TEKT5: variants seen among roughly 807,000 people sequenced by gnomAD.
The protein encoded by TEKT5 is tektin 5.
TEKT5 carries 52 observed loss-of-function variants against 48.7 expected under a neutral mutation model. The ratio of observed to expected loss-of-function variants is 1.07; its 90% CI spans 0.86 to 1.35. The LOEUF is 1.35. Among genes scored for constraint, TEKT5 ranks in the 40% most tolerant of loss-of-function variants. TEKT5 has a pLI of 0.00. For synonymous variants in TEKT5, 318 were observed against 267.6 expected (o/e 1.19, Z -1.84); for missense variants, 831 against 641.6 (o/e 1.30, Z -3.19).
intron 2 of TEKT5, 136 bp downstream of exon 2, chr16:10,689,806 C>T (rs1344518): frequency 0.43 from 332,895 of 780,080 alleles, 73,261 homozygotes; most frequent in East Asian, 0.61. Context: ...GACCTCCACC[C>T]ATGCTTCCTG....
intron 6 of TEKT5, among the ~76,000 whole-genome samples, chr16:10,634,905 G>A (rs1013195574): frequency 1.1e-4 from 17 of 152,134 alleles, no homozygotes; most frequent in African/African-American, 4.1e-4. Flanking sequence ...ATTGCAACCT[G>A]CGGAAGACCC....
chr16:10,660,661 CTGTGTGTGTGTGTGTG>C lies in TEKT5; in HGVS notation c.1086+15282_1086+15297del, dbSNP rs4028826. ...GAATGTTACCAGCAGGAGTGCAAGG[CTGTGTGTGTGTGTGTG>C]TGTGTGTGTGTGTGTGTGTGTGTGT... On this transcript the variant is annotated intron_variant, in intron 5 of 6. Transcript: ENST00000283025. 1.3e-3 allele frequency among the ~76,000 whole-genome samples: 185 copies of C among 144,220 alleles called. 1 individual carries two copies. The highest frequency in any genetic ancestry group is 1.6e-3 in the African/African-American group (61 of 37,556). 94.6% of individuals were successfully genotyped at this position (144,220 alleles called of 152,430 possible).
At chr16:10,638,301 G>C (rs58875956) in intron 5 of TEKT5, among the ~76,000 whole-genome samples, 4,389 of 152,262 alleles carry the variant, frequency 0.029, 217 homozygotes, top group African/African-American at 0.099. Context: ...GATGTCACCT[G>C]ACCGTGACTG....
chr16:10,629,869 C>A (rs969039378), intron 6 of TEKT5, among the ~76,000 whole-genome samples: 1 of 152,204 alleles, frequency 6.6e-6, no homozygotes, highest in Non-Finnish European at 1.5e-5. Flanking sequence ...GACTGGGCTG[C>A]CCCGTACTAC....
intron 4 of TEKT5, 116 bp from the exon 5 acceptor site, chr16:10,676,297 A>C: frequency 1.0e-6 from 1 of 1,001,148 alleles, no homozygotes; most frequent in Non-Finnish European, 1.5e-6. Flanking sequence ...TGTGCATTGT[A>C]GGGTGCTTGG....
intron 5 of TEKT5, among the ~76,000 whole-genome samples, chr16:10,638,407 G>A (rs1476740241): frequency 1.3e-5 from 2 of 152,198 alleles, no homozygotes; most frequent in African/African-American, 4.8e-5. Context: ...AAGGCCCTTT[G>A]AGGACAGGCT....
In TEKT5 at chr16:10,627,673, G is replaced by A. The variant is rs1440208448; in HGVS notation, c.1368C>T (p.Ile456=). The change falls in exon 7 of 7, where the codon ATC becomes ATT. Residue 456 remains isoleucine (I), a synonymous_variant. Coordinates refer to ENST00000283025, the MANE Select transcript of TEKT5 (RefSeq NM_144674.2). The stretch of plus-strand genomic sequence containing the variant: ...TGTCGATGCAGAGGGTGTTGGCCTT[G>A]ATGGCGAGCTCGTGCTCCAGCCGGC... ...TKCRLEHELA[I]KANTLCIDKE... is the part of the protein sequence containing the mutation. 6.2e-7 allele frequency: 1 copy of A among 1,614,200 alleles called. No homozygotes were observed. The highest frequency in any genetic ancestry group is 2.2e-5 in the East Asian group (1 of 44,868).
intron 1 of TEKT5, chr16:10,690,453 C>T: frequency 1.9e-6 from 1 of 537,234 alleles, no homozygotes; most frequent in Non-Finnish European, 2.4e-6. Flanking sequence ...CTATTGTGTG[C>T]ATTTGGGCAA....
chr16:10,631,269 AAAAAG>A (rs1297133026), intron 6 of TEKT5, among the ~76,000 whole-genome samples: 1 of 139,376 alleles, frequency 7.2e-6, no homozygotes, highest in Non-Finnish European at 1.6e-5. Flanking sequence ...AAAAAAAAAA[AAAAAG>A]AGAGAGAGAG....
At chr16:10,673,646 A>ATTTTTTT (rs60322821) in intron 5 of TEKT5, among the ~76,000 whole-genome samples, 1 of 105,772 alleles carries the variant, frequency 9.5e-6, no homozygotes, top group Non-Finnish European at 1.9e-5. Context: ...CACCCATTCT[A>ATTTTTTT]TTTTTTTTTT....
chr16:10,659,230 A>G (rs1201951211), intron 5 of TEKT5, among the ~76,000 whole-genome samples: 1 of 152,242 alleles, frequency 6.6e-6, no homozygotes, highest in African/African-American at 2.4e-5. Context: ...CGTAAAAATC[A>G]AATTCAAACT....
At chr16:10,657,530 G>A (rs1205178793) in intron 5 of TEKT5, among the ~76,000 whole-genome samples, 1 of 151,908 alleles carries the variant, frequency 6.6e-6, no homozygotes, top group Non-Finnish European at 1.5e-5. Context: ...CTTCCAAAGT[G>A]ATTTTAAGTG....
rs1407806938 is a variant in TEKT5 at position 10,694,536 on chromosome 16, C to G, written c.338G>C (p.Ser113Thr). 9.3e-6 allele frequency: 15 copies of G among 1,607,610 alleles called. No individual in the cohort carries two copies. The highest frequency in any genetic ancestry group is 1.3e-5 in the Non-Finnish European group (15 of 1,176,696). Residue 113 changes from serine (S) to threonine (T), a missense_variant, in exon 1 of 7, where the codon AGC becomes ACC. Transcript: ENST00000283025. Reference sequence around the variant, plus strand: ...CCTCATGGAGTCATCCGTCAGCCGGCTGGCCCACAGCCGGGAGGCCTCGGC... The same window carrying G: ...CCTCATGGAGTCATCCGTCAGCCGGGTGGCCCACAGCCGGGAGGCCTCGGC... The part of the protein sequence containing the change: ...RGAEASRLWA[S>T]RLTDDSMRLL...
chr16:10,640,765 G>C (rs765919135), intron 5 of TEKT5, among the ~76,000 whole-genome samples: 4 of 152,096 alleles, frequency 2.6e-5, no homozygotes, highest in Non-Finnish European at 4.4e-5. Context: ...TCTTCACTCA[G>C]CATAATTATT....
At position 10,657,589 on chromosome 16, in the gene TEKT5, A is replaced by AT. The variant is rs57853009; in HGVS notation, c.1086+18369dup. The stretch of plus-strand genomic sequence containing the variant: ...TTGTAGAAAAGTCATTCCCCTTTCA[A>AT]TTTTTTTTTTTTTTCCCTGAGATGG... On this transcript the variant is annotated intron_variant, in intron 5 of 6. Transcript: ENST00000283025. 3.8e-3 allele frequency among the ~76,000 whole-genome samples: 535 copies of AT among 141,676 alleles called. 4 individuals carry two copies. The highest frequency in any genetic ancestry group is 0.024 in the East Asian group (118 of 4,818). 92.9% of individuals were successfully genotyped at this position (141,676 alleles called of 152,430 possible).
At chr16:10,663,158 A>C (rs12931842) in intron 5 of TEKT5, among the ~76,000 whole-genome samples, 1 of 151,670 alleles carries the variant, frequency 6.6e-6, no homozygotes, top group Non-Finnish European at 1.5e-5. Flanking sequence ...CTCAGATAAA[A>C]CCAACCTCGG....
In TEKT5 at chr16:10,689,315, A is replaced by T. The variant is rs775067809; in HGVS notation, c.657T>A (p.Asp219Glu). The T allele has an allele frequency of 6.2e-7, 1 of 1,613,272 alleles. No homozygotes were observed. The change falls in exon 3 of 7, where the codon GAT becomes GAA. Residue 219 changes from aspartate (D) to glutamate (E), a missense_variant. Transcript: ENST00000283025. ...NVEKNLIREV[D>E]LLKCCQEQMR... ...TCTGTTCTTGGCAACATTTTAGCAA[A>T]TCCACTTCCTGAAATGAAAAATGTC...
chr16:10,669,233 T>C (rs2430632), intron 5 of TEKT5, among the ~76,000 whole-genome samples: 80,382 of 151,732 alleles, frequency 0.53, 22,611 homozygotes, highest in East Asian at 0.81. Flanking sequence ...TTTGGGAGGC[T>C]GAGGCCGGTG....
intron 5 of TEKT5, among the ~76,000 whole-genome samples, chr16:10,649,801 G>A (rs1898124485): frequency 6.6e-6 from 1 of 152,116 alleles, no homozygotes; most frequent in African/African-American, 2.4e-5. Context: ...GGTCCAGGTG[G>A]CACACGAATA....
Sources: allele counts gnomAD v4.1 joint callset (sites outside exome capture counted in the v4.1 genomes callset), GRCh38; gene constraint gnomAD v4.1.1; transcripts MANE v1.5; gene names NCBI Gene and HGNC (gene_info 2026-07-23, HGNC 2026-07-21).